The following CCDC6 variants were observed in gnomAD, a reference collection of about 807,000 sequenced individuals.
CCDC6 encodes the protein coiled-coil domain-containing protein 6.
CCDC6 carries 20 observed loss-of-function variants against 56.6 expected under a neutral mutation model. That is an observed-to-expected ratio of 0.35 (90% CI 0.25 to 0.51). The LOEUF (loss-of-function observed/expected upper bound fraction) is 0.51. Ranked by LOEUF, CCDC6 falls within the 20% of genes least tolerant of loss-of-function variation. CCDC6 has a pLI of 0.95. For synonymous variants in CCDC6, 241 were observed against 234.4 expected (o/e 1.03, Z -0.26); for missense variants, 367 against 601.1 (o/e 0.61, Z 4.07).
chr10:59,870,337 G>A (rs2071217422), intron 1 of CCDC6, among the ~76,000 whole-genome samples: 1 of 152,138 alleles, frequency 6.6e-6, no homozygotes, highest in South Asian at 2.1e-4. Flanking sequence ...GAAAAAATAA[G>A]GTACTATCAC....
chr10:59,817,244 G>A (rs1347590744), intron 3 of CCDC6, among the ~76,000 whole-genome samples: 3 of 152,188 alleles, frequency 2.0e-5, no homozygotes, highest in Non-Finnish European at 2.9e-5. Context: ...GCAGTGGCAC[G>A]ATCATGGATC....
chr10:59,848,318 T>C (rs952576492), intron 2 of CCDC6, among the ~76,000 whole-genome samples: 1 of 152,226 alleles, frequency 6.6e-6, no homozygotes, highest in Non-Finnish European at 1.5e-5. Flanking sequence ...AGTTTGGTGA[T>C]GTTTTCGTGA....
At chr10:59,897,420 A>T (rs1475854161) in intron 1 of CCDC6, among the ~76,000 whole-genome samples, 2 of 151,850 alleles carry the variant, frequency 1.3e-5, no homozygotes, top group Non-Finnish European at 2.9e-5. Context: ...TGCCCAGCTA[A>T]TTTTTTGTAT....
intron 7 of CCDC6, among the ~76,000 whole-genome samples, chr10:59,798,468 C>T (rs1339498337): frequency 6.6e-6 from 1 of 152,112 alleles, no homozygotes; most frequent in African/African-American, 2.4e-5. Flanking sequence ...TTCTATTTGA[C>T]ATATTTCCAT....
intron 3 of CCDC6, among the ~76,000 whole-genome samples, chr10:59,816,652 T>C (rs1037527409): frequency 2.6e-5 from 4 of 152,236 alleles, no homozygotes; most frequent in Non-Finnish European, 5.9e-5. Flanking sequence ...AGGTAAACCA[T>C]TGATAACTAA....
At chr10:59,863,239 ATT>A (rs1223709785) in intron 1 of CCDC6, among the ~76,000 whole-genome samples, 2 of 152,230 alleles carry the variant, frequency 1.3e-5, no homozygotes, top group Non-Finnish European at 2.9e-5. Context: ...TATCAGTACC[ATT>A]CTTGAGTGGT....
chr10:59,877,752 C>T (rs2071296999), intron 1 of CCDC6, among the ~76,000 whole-genome samples: 1 of 152,298 alleles, frequency 6.6e-6, no homozygotes, highest in South Asian at 2.1e-4. Flanking sequence ...AAGGAAAAGA[C>T]ACAAAACTGT....
chr10:59,885,805 G>A (rs1337578596), intron 1 of CCDC6, among the ~76,000 whole-genome samples: 1 of 151,968 alleles, frequency 6.6e-6, no homozygotes, highest in East Asian at 1.9e-4. Flanking sequence ...GCCTTAAACT[G>A]GTCTGGTTCC....
intron 3 of CCDC6, among the ~76,000 whole-genome samples, chr10:59,822,428 G>A (rs890699241): frequency 1.3e-5 from 2 of 152,176 alleles, no homozygotes; most frequent in African/African-American, 4.8e-5. Context: ...CATTACTCGA[G>A]GGGATTCTTT....
At chr10:59,824,469 T>G (rs2070770702) in intron 3 of CCDC6, among the ~76,000 whole-genome samples, 1 of 152,182 alleles carries the variant, frequency 6.6e-6, no homozygotes, top group Non-Finnish European at 1.5e-5. Flanking sequence ...AAGCAGTGGG[T>G]GGGATGAATG....
intron 3 of CCDC6, among the ~76,000 whole-genome samples, chr10:59,819,251 T>C (rs1198094035): frequency 2.6e-5 from 4 of 152,334 alleles, no homozygotes; most frequent in Middle Eastern, 3.4e-3. Flanking sequence ...ATACTGACAA[T>C]GTTAAGTGAG....
At chr10:59,895,387 A>G (rs2071454590) in intron 1 of CCDC6, among the ~76,000 whole-genome samples, 1 of 152,200 alleles carries the variant, frequency 6.6e-6, no homozygotes, top group Non-Finnish European at 1.5e-5. Context: ...CTGAGGTCAG[A>G]CCTGGGCTCA....
At chr10:59,814,869 C>A in intron 3 of CCDC6, 114 bp from the exon 4 acceptor site, 1 of 666,860 alleles carries the variant, frequency 1.5e-6, no homozygotes, top group South Asian at 1.8e-5. Flanking sequence ...AAACATGTGG[C>A]CAATTTTCTG....
In CCDC6 at chr10:59,862,516, TACACACACACACACAC is replaced by T. The variant is rs60162547; in HGVS notation, c.304-9830_304-9815del. 1.6e-3 allele frequency among the ~76,000 whole-genome samples: 158 copies of T among 97,194 alleles called. 13 individuals are homozygous for T. The highest frequency in any genetic ancestry group is 7.4e-3 in the African/African-American group (151 of 20,286). 63.8% of individuals were successfully genotyped at this position (97,194 alleles called of 152,430 possible). ...AAAAAAAAAAGTATATATATATATA[TACACACACACACACAC>T]ACACACACACACACACACACACACA... On this transcript the variant is annotated intron_variant, in intron 1 of 8. Coordinates refer to ENST00000263102, the MANE Select transcript of CCDC6 (RefSeq NM_005436.5).
At chr10:59,885,924 C>CA (rs1554887628) in intron 1 of CCDC6, among the ~76,000 whole-genome samples, 1 of 127,758 alleles carries the variant, frequency 7.8e-6, no homozygotes, top group African/African-American at 3.2e-5. Context: ...CGCCCCCCGC[C>CA]CCCCCAACTA....
In CCDC6 at chr10:59,789,475, AAAAC is replaced by A. The variant is rs746387091; in HGVS notation, c.*3438_*3441del. ...AAAAAAACCCTAAAAAACAAAGAAA[AAAAC>A]AAACAAAAAATCACCAAAAACCTAG... On this transcript the variant is annotated 3_prime_UTR_variant, in exon 9 of 9. Transcript: ENST00000263102. The A allele has an allele frequency of 2.9e-4, 68 of 233,034 alleles. No individual in the cohort carries two copies. The highest frequency in any genetic ancestry group is 3.4e-4 in the Admixed American group (6 of 17,790). 14.4% of individuals were successfully genotyped at this position (233,034 alleles called of 1,614,324 possible). A position where few individuals can be genotyped will look rare whatever the true frequency, so the allele number is the denominator to read the frequency against.
chr10:59,801,581 C>T (rs2070575052), intron 7 of CCDC6, among the ~76,000 whole-genome samples: 1 of 152,166 alleles, frequency 6.6e-6, no homozygotes, highest in Non-Finnish European at 1.5e-5. Flanking sequence ...CTTACAGTCG[C>T]ATATCCCACA....
rs199731732 is a variant in CCDC6, at chr10:59,906,307, C to T, written c.118G>A (p.Gly40Ser). ...TSGGGGGGGG[G>S]GGGGKSGGIV... ...CCCCCCGACTTCCCACCGCCGCCGCCTCCCCCGCCGCCACCGCCGCCGCCC... is the reference window on the plus strand; with the variant it reads ...CCCCCCGACTTCCCACCGCCGCCGCTTCCCCCGCCGCCACCGCCGCCGCCC... Residue 40 changes from glycine to serine, a missense_variant, in exon 1 of 9, where the codon GGC becomes AGC. Coordinates refer to ENST00000263102, the MANE Select transcript of CCDC6 (RefSeq NM_005436.5). 60 of 1,600,480 alleles carry T rather than the reference C, an allele frequency of 3.7e-5. No homozygotes were observed. Among genetic ancestry groups the T allele is most frequent in the Non-Finnish European group, 4.2e-5 (49 of 1,178,352 alleles).
At chr10:59,865,852 C>CAAAAAAAAAAAAAAAAAA (rs777021321) in intron 1 of CCDC6, among the ~76,000 whole-genome samples, 42 of 57,028 alleles carry the variant, frequency 7.4e-4, no homozygotes, top group African/African-American at 2.9e-3. Flanking sequence ...TCCATCTCCA[C>CAAAAAAAAAAAAAAAAAA]AAAAAAAAAA....
Sources: allele counts gnomAD v4.1 joint callset (sites outside exome capture counted in the v4.1 genomes callset), GRCh38; gene constraint gnomAD v4.1.1; transcripts MANE v1.5; gene names NCBI Gene and HGNC (gene_info 2026-07-23, HGNC 2026-07-21).